The following SPTBN1 variants were observed in gnomAD, a reference collection of about 807,000 sequenced individuals.
The protein encoded by SPTBN1 is spectrin beta, non-erythrocytic 1.
SPTBN1 carries 32 observed loss-of-function variants against 266.4 expected under a neutral mutation model. That is an observed-to-expected ratio of 0.12 (90% CI 0.09 to 0.16). SPTBN1 has a LOEUF of 0.16. Among genes scored for constraint, SPTBN1 ranks in the 10% least tolerant of loss-of-function variants. SPTBN1 has a pLI of 1.00. For synonymous variants in SPTBN1, 1,336 were observed against 1,162.2 expected (o/e 1.15, Z -3.04); for missense variants, 2,296 against 3,067.1 (o/e 0.75, Z 5.94).
intron 1 of SPTBN1, among the ~76,000 whole-genome samples, chr2:54,492,743 T>C (rs1668757675): frequency 6.6e-6 from 1 of 152,228 alleles, no homozygotes; most frequent in South Asian, 2.1e-4. Context: ...AGAAATGTAA[T>C]TGACTACTGA....
Position 54,626,251 on chromosome 2 carries a change from A to G in SPTBN1, c.1644+17A>G, listed in dbSNP as rs754358838. 1 of 1,606,702 alleles carries G rather than the reference A, an allele frequency of 6.2e-7. No homozygotes were observed. Among genetic ancestry groups the G allele is most frequent in the Non-Finnish European group, 8.5e-7 (1 of 1,174,894 alleles). ...GAAATGAAGGTAAAACCTGACCGAA[A>G]GGAAGGACGACAGAGCTGATCCAAC... On this transcript the variant is annotated intron_variant, in intron 12 of 35. Coordinates refer to ENST00000356805, the MANE Select transcript of SPTBN1 (RefSeq NM_003128.3). The surrounding 1 kb of genome is among the most constrained non-coding windows in gnomAD (Gnocchi z 4.7).
intron 7 of SPTBN1, among the ~76,000 whole-genome samples, chr2:54,619,982 G>T (rs1677886637): frequency 6.6e-6 from 1 of 152,228 alleles, no homozygotes; most frequent in African/African-American, 2.4e-5. Context: ...AAAAGAGCCT[G>T]ATAATATCTG....
At chr2:54,622,574 T>G in intron 9 of SPTBN1, 87 bp downstream of exon 9, 2 of 1,472,602 alleles carry the variant, frequency 1.4e-6, no homozygotes, top group Non-Finnish European at 1.9e-6. Context: ...TTCTGTAATC[T>G]CATCTCTTAA....
In SPTBN1 at chr2:54,670,281, G is replaced by A. The variant is rs753278641; in HGVS notation, c.*1712G>A. On this transcript the variant is annotated 3_prime_UTR_variant, in exon 36 of 36. Transcript: ENST00000356805. ...AGTTTGCTGACTTCAGCATAGAGTC[G>A]TGGGTTATTTACAAGTGACATACTT... 15 of 157,452 alleles carry A rather than the reference G, an allele frequency of 9.5e-5. No homozygotes were observed. Among genetic ancestry groups the A allele is most frequent in the African/African-American group, 1.9e-4 (8 of 41,556 alleles). 9.8% of individuals were successfully genotyped at this position (157,452 alleles called of 1,614,324 possible).
At chr2:54,565,381 G>A (rs1161351551) in intron 2 of SPTBN1, among the ~76,000 whole-genome samples, 2 of 152,130 alleles carry the variant, frequency 1.3e-5, no homozygotes, top group Non-Finnish European at 2.9e-5. Flanking sequence ...CTCAGGAATG[G>A]ACTCTGTCCT....
intron 4 of SPTBN1, among the ~76,000 whole-genome samples, chr2:54,613,283 C>T (rs1677354932): frequency 1.4e-5 from 2 of 145,480 alleles, no homozygotes; most frequent in South Asian, 2.2e-4. Flanking sequence ...GCCATTCCTT[C>T]CTGTTCTGCC....
chr2:54,563,282 G>A (rs1386541114), intron 2 of SPTBN1, among the ~76,000 whole-genome samples: 2 of 152,150 alleles, frequency 1.3e-5, no homozygotes, highest in Non-Finnish European at 2.9e-5. Flanking sequence ...ACAGGATCTA[G>A]TTAAAAAGCA....
At chr2:54,587,252 C>T (rs957230942) in intron 2 of SPTBN1, among the ~76,000 whole-genome samples, 11 of 152,174 alleles carry the variant, frequency 7.2e-5, no homozygotes, top group African/African-American at 2.4e-4. Context: ...AATTTGTGTG[C>T]CACATGGTAG....
Position 54,668,477 on chromosome 2 carries a change from A to ACCATCACCAGCGAGT in SPTBN1, c.7007_7021dup (p.Ile2336_Ser2340dup). ...GCAGACCCTCCCCACCAGCGTCGTC[A>ACCATCACCAGCGAGT]CCATCACCAGCGAGTCCAGTCCCGG... On this transcript the variant is annotated inframe_insertion, in exon 36 of 36. Transcript: ENST00000356805. The ACCATCACCAGCGAGT allele has an allele frequency of 6.2e-7, 1 of 1,614,206 alleles. No individual in the cohort carries two copies. Among genetic ancestry groups the ACCATCACCAGCGAGT allele is most frequent in the Non-Finnish European group, 8.5e-7 (1 of 1,180,036 alleles).
intron 2 of SPTBN1, among the ~76,000 whole-genome samples, chr2:54,562,863 A>G (rs574804040): frequency 2.0e-5 from 3 of 152,140 alleles, no homozygotes; most frequent in African/African-American, 7.2e-5. Context: ...CGGCCTAGAA[A>G]TGCTTACCAT....
At chr2:54,604,292 C>A (rs1451502596) in intron 3 of SPTBN1, among the ~76,000 whole-genome samples, 1 of 152,126 alleles carries the variant, frequency 6.6e-6, no homozygotes, top group African/African-American at 2.4e-5. Flanking sequence ...TGCCAGAAAC[C>A]TTCCCTTATA....
At chr2:54,514,537 G>A (rs755501185) in intron 1 of SPTBN1, among the ~76,000 whole-genome samples, 4 of 152,194 alleles carry the variant, frequency 2.6e-5, no homozygotes, top group Non-Finnish European at 5.9e-5. Context: ...GCATTTTAGC[G>A]TTTGAATGTT....
At chr2:54,616,598 A>G (rs544434656) in intron 5 of SPTBN1, among the ~76,000 whole-genome samples, 1 of 152,334 alleles carries the variant, frequency 6.6e-6, no homozygotes, top group South Asian at 2.1e-4. Flanking sequence ...CATATCCATG[A>G]TATTTTAAGA....
At chr2:54,565,514 A>G in intron 2 of SPTBN1, among the ~76,000 whole-genome samples, 1 of 152,228 alleles carries the variant, frequency 6.6e-6, no homozygotes, top group East Asian at 1.9e-4. Flanking sequence ...CACTATAGAA[A>G]GAGATATAAG....
intron 20 of SPTBN1, among the ~76,000 whole-genome samples, chr2:54,644,849 A>G (rs1011632924): frequency 6.6e-6 from 1 of 152,206 alleles, no homozygotes; most frequent in African/African-American, 2.4e-5. Flanking sequence ...GTTAATGGGT[A>G]TTATCACCGT....
At chr2:54,589,068 G>T (rs1675492884) in intron 2 of SPTBN1, among the ~76,000 whole-genome samples, 1 of 152,114 alleles carries the variant, frequency 6.6e-6, no homozygotes. Flanking sequence ...TATCTTTTGT[G>T]TTACAAACAA....
intron 1 of SPTBN1, among the ~76,000 whole-genome samples, chr2:54,477,791 A>G (rs2103910161): frequency 6.6e-6 from 1 of 152,244 alleles, no homozygotes; most frequent in East Asian, 1.9e-4. Context: ...GGTGCCCGTT[A>G]TCCCAGCTAC....
chr2:54,498,814 G>C (rs1026659130), intron 1 of SPTBN1, among the ~76,000 whole-genome samples: 1 of 152,196 alleles, frequency 6.6e-6, no homozygotes, highest in Non-Finnish European at 1.5e-5. Flanking sequence ...GCCAAATGCT[G>C]TGTTGGGTGC....
chr2:54,661,239 T>G (rs1045950500), intron 32 of SPTBN1: 1 of 985,758 alleles, frequency 1.0e-6, no homozygotes, highest in Non-Finnish European at 1.2e-6. Flanking sequence ...TCCTTTTCCT[T>G]AGAAATAAAA....
Sources: allele counts gnomAD v4.1 joint callset (sites outside exome capture counted in the v4.1 genomes callset), GRCh38; gene constraint gnomAD v4.1.1; non-coding constraint Gnocchi (gnomAD v3.1); transcripts MANE v1.5; gene names NCBI Gene and HGNC (gene_info 2026-07-23, HGNC 2026-07-21).